The following CFAP54 variants were observed in gnomAD, a reference collection of about 807,000 sequenced individuals.
CFAP54 encodes cilia and flagella associated protein 54.
CFAP54 carries 290 observed loss-of-function variants against 370.4 expected under a neutral mutation model. The ratio of observed to expected loss-of-function variants is 0.78; its 90% CI spans 0.71 to 0.86. CFAP54 has a LOEUF of 0.86. CFAP54 is among the 40% of genes least tolerant of loss of function. The probability of loss-of-function intolerance (pLI) is 0.00; values close to 1 mark genes in which losing one functional copy is unlikely to be tolerated. For synonymous variants in CFAP54, 1,206 were observed against 1,236.5 expected, an observed-to-expected ratio of 0.98 and a Z score of 0.52; for missense variants, 3,399 against 3,528.7, an observed-to-expected ratio of 0.96 and a Z score of 0.93.
At chr12:96,568,156 T>A (rs1047222342) in intron 19 of CFAP54, among the ~76,000 whole-genome samples, 1 of 152,050 alleles carries the variant, frequency 6.6e-6, no homozygotes, top group Non-Finnish European at 1.5e-5. Flanking sequence ...TTTTTTTTTT[T>A]TTTAGGGAGG....
chr12:96,778,624 G>A (rs893722794), intron 60 of CFAP54, among the ~76,000 whole-genome samples: 1 of 152,012 alleles, frequency 6.6e-6, no homozygotes, highest in African/African-American at 2.4e-5. Flanking sequence ...AGGATTTTTA[G>A]CTCTTCTCTG....
intron 51 of CFAP54, among the ~76,000 whole-genome samples, 200 bp downstream of exon 51, chr12:96,740,261 T>G (rs945289264): frequency 2.0e-5 from 3 of 152,252 alleles, no homozygotes; most frequent in Non-Finnish European, 4.4e-5. Flanking sequence ...AAAAAAAAAT[T>G]GGTTATCTCA....
chr12:96,679,903 CTG>C, intron 40 of CFAP54, 151 bp downstream of exon 40: 2 of 736,976 alleles, frequency 2.7e-6, no homozygotes, highest in Non-Finnish European at 4.4e-6. Context: ...TGGATCTATT[CTG>C]TGTCTTACAC....
At chr12:96,544,307 A>T (rs949818912) in intron 14 of CFAP54, among the ~76,000 whole-genome samples, 4 of 152,150 alleles carry the variant, frequency 2.6e-5, no homozygotes, top group Non-Finnish European at 4.4e-5. Context: ...TTGGTTCATG[A>T]AGTAGCTTCA....
At chr12:96,605,204 C>T (rs904255162) in intron 26 of CFAP54, among the ~76,000 whole-genome samples, 19 of 152,134 alleles carry the variant, frequency 1.2e-4, no homozygotes, top group African/African-American at 4.6e-4. Flanking sequence ...ATTTATTATA[C>T]TGCGTTAAAC....
chr12:96,764,730 G>T (rs1006986836), intron 59 of CFAP54, among the ~76,000 whole-genome samples: 1 of 152,172 alleles, frequency 6.6e-6, no homozygotes, highest in Non-Finnish European at 1.5e-5. Context: ...CTCTCTATTA[G>T]CCAGACTTAG....
chr12:96,873,951 C>T (rs1960225579), intron 67 of CFAP54, among the ~76,000 whole-genome samples: 1 of 152,198 alleles, frequency 6.6e-6, no homozygotes, highest in South Asian at 2.1e-4. Flanking sequence ...GAGTGTTAAT[C>T]AAAAAATTTG....
chr12:96,585,507 C>A (rs1400517664), intron 22 of CFAP54, among the ~76,000 whole-genome samples: 1 of 152,128 alleles, frequency 6.6e-6, no homozygotes, highest in Non-Finnish European at 1.5e-5. Context: ...AATCTACCTT[C>A]CATTCCCCCA....
At chr12:96,543,746 A>G (rs11108575) in intron 14 of CFAP54, among the ~76,000 whole-genome samples, 61,245 of 151,968 alleles carry the variant, frequency 0.4, 12,902 homozygotes, top group South Asian at 0.46. Context: ...GGATTAAGAT[A>G]TTTTGAAGCT....
chr12:96,767,197 A>G (rs971357035), intron 60 of CFAP54, among the ~76,000 whole-genome samples: 1 of 152,220 alleles, frequency 6.6e-6, no homozygotes, highest in African/African-American at 2.4e-5. Flanking sequence ...CTAAATGAAA[A>G]TCCAAACTAT....
intron 36 of CFAP54, among the ~76,000 whole-genome samples, chr12:96,653,245 C>T (rs1011495362): frequency 2.0e-5 from 3 of 152,176 alleles, no homozygotes; most frequent in African/African-American, 7.2e-5. Flanking sequence ...GCTATGGAAA[C>T]CCCTGAATTT....
intron 19 of CFAP54, among the ~76,000 whole-genome samples, chr12:96,569,629 A>G (rs183950735): frequency 1.3e-5 from 2 of 152,326 alleles, no homozygotes; most frequent in African/African-American, 4.8e-5. Context: ...GTAGGAACCT[A>G]AACAAATCTG....
intron 26 of CFAP54, among the ~76,000 whole-genome samples, chr12:96,621,282 T>C (rs1290646422): frequency 6.6e-6 from 1 of 152,222 alleles, no homozygotes; most frequent in Non-Finnish European, 1.5e-5. Context: ...TTGAAAGGAA[T>C]TGTTTTCTTA....
chr12:96,708,535 A>G, intron 47 of CFAP54, 73 bp from the exon 48 acceptor site: 1 of 1,353,202 alleles, frequency 7.4e-7, no homozygotes, highest in East Asian at 2.5e-5. Flanking sequence ...TGTGAACTGC[A>G]AAAGAATGAA....
At position 96,740,023 on chromosome 12, in the gene CFAP54, C is replaced by T. The variant is rs748448313; in HGVS notation, c.7033C>T (p.Gln2345Ter). ...AAAACTTTTTGAAAAGAAGGTAGTA[C>T]AGGATGACACAGAGAATCCTGTCTC... ...DSKLFEKKVV[Q>*]DDTENPVSPG... Residue 2345 changes from glutamine to a stop codon, truncating the protein, a stop_gained, in exon 51 of 68, where the codon CAG becomes TAG. Transcript: ENST00000524981. LOFTEE classifies it high-confidence loss of function. 6.2e-7 allele frequency: 1 copy of T among 1,606,002 alleles called. No individual in the cohort carries two copies. The highest frequency in any genetic ancestry group is 8.5e-7 in the Non-Finnish European group (1 of 1,174,360).
Position 96,764,143 on chromosome 12 carries a change from A to AT in CFAP54, c.8041-3dup. The AT allele has an allele frequency of 6.3e-7, 1 of 1,594,778 alleles. No homozygotes were observed. The highest frequency in any genetic ancestry group is 8.6e-7 in the Non-Finnish European group (1 of 1,165,030). On this transcript the variant is annotated splice_region_variant and splice_polypyrimidine_tract_variant and intron_variant, in intron 58 of 67. Transcript: ENST00000524981. ...CTTTATATCATAACACATTTGCCATATTTTTAGCCTCCTCTCAGAAGAAGT... is the reference window on the plus strand; with the variant it reads ...CTTTATATCATAACACATTTGCCATATTTTTTAGCCTCCTCTCAGAAGAAGT...
rs771506426 is a variant in CFAP54, at chr12:96,630,602, G to A, written c.4267G>A (p.Asp1423Asn). Reference protein sequence around the residue: ...IRSKKKETLRDFIFKNPAISE... With the variant: ...IRSKKKETLRNFIFKNPAISE... ...AAGTAAAAAAAAGGAAACTCTAAGA[G>A]ATTTCATTTTTAAAAATCCGGCTAT... The change falls in exon 32 of 68, where the codon GAT becomes AAT. Residue 1423 changes from aspartate to asparagine, a missense_variant. Physicochemically the swap from Asp to Asn is conservative, Grantham distance 23. Coordinates refer to ENST00000524981, the MANE Select transcript of CFAP54 (RefSeq NM_001306084.2). The A allele has an allele frequency of 5.3e-6, 8 of 1,508,494 alleles. No homozygotes were observed. The South Asian group carries it at 8.9e-5, about 17-fold the overall frequency. 93.4% of individuals were successfully genotyped at this position (1,508,494 alleles called of 1,614,324 possible). A position where few individuals can be genotyped will look rare whatever the true frequency, so the allele number is the denominator to read the frequency against.
chr12:96,792,793 A>AT (rs1375061145), intron 63 of CFAP54, among the ~76,000 whole-genome samples: 9 of 152,038 alleles, frequency 5.9e-5, no homozygotes, highest in East Asian at 1.9e-4. Context: ...ATGTTAAAGA[A>AT]TTTTTTTACT....
At chr12:96,835,412 A>G (rs1407493970) in intron 66 of CFAP54, among the ~76,000 whole-genome samples, 1 of 152,134 alleles carries the variant, frequency 6.6e-6, no homozygotes, top group East Asian at 1.9e-4. Flanking sequence ...AAAAGGCACC[A>G]TAAGTCCCCA....
Sources: gnomAD v4.1 joint callset for allele counts (sites outside exome capture counted in the v4.1 genomes callset) on GRCh38, gnomAD v4.1.1 for gene constraint, MANE v1.5 for transcripts, NCBI Gene and HGNC (gene_info 2026-07-23, HGNC 2026-07-21) for gene names.